The following ADGRL4 variants were observed in gnomAD, a reference collection of about 807,000 sequenced individuals.
ADGRL4 encodes the protein adhesion G protein-coupled receptor L4, also known as EGF, latrophilin and seven transmembrane domain containing 1.
Under a neutral mutation model 74.8 loss-of-function variants are expected in ADGRL4, and 90 were observed. The observed-to-expected ratio is 1.20, with a 90% confidence interval of 1.02 to 1.43. ADGRL4 has a LOEUF of 1.43. Ranked by LOEUF, ADGRL4 falls within the 40% of genes most tolerant of loss-of-function variation. The pLI, the probability that ADGRL4 is intolerant of heterozygous loss-of-function variation, is 0.00. For missense variants in ADGRL4, 881 were observed against 814.3 expected (o/e 1.08, Z -1.00); for synonymous variants, 311 against 279.2 (o/e 1.11, Z -1.14).
chr1:78,927,372 C>A (rs1649141805), intron 7 of ADGRL4, among the ~76,000 whole-genome samples: 1 of 152,048 alleles, frequency 6.6e-6, no homozygotes, highest in African/African-American at 2.4e-5. Flanking sequence ...GATAAATTTA[C>A]ACCAAAATCC....
intron 12 of ADGRL4, among the ~76,000 whole-genome samples, chr1:78,909,596 G>A (rs928827222): frequency 6.6e-6 from 1 of 151,680 alleles, no homozygotes; most frequent in Non-Finnish European, 1.5e-5. Flanking sequence ...AATGCTTTTT[G>A]GTTTATATAT....
chr1:78,941,635 G>C (rs1649484207), intron 3 of ADGRL4, among the ~76,000 whole-genome samples: 1 of 151,594 alleles, frequency 6.6e-6, no homozygotes, highest in Non-Finnish European at 1.5e-5. Context: ...CAAAAATCTT[G>C]GCTCCATGGA....
At chr1:78,900,053 C>T (rs751852194) in intron 12 of ADGRL4, among the ~76,000 whole-genome samples, 35 of 152,064 alleles carry the variant, frequency 2.3e-4, no homozygotes, top group Admixed American at 9.2e-4. Context: ...GGGAGAGATA[C>T]GGCAAAAATG....
At chr1:78,925,468 A>G (rs1016174998) in intron 8 of ADGRL4, among the ~76,000 whole-genome samples, 1 of 152,150 alleles carries the variant, frequency 6.6e-6, no homozygotes, top group Non-Finnish European at 1.5e-5. Flanking sequence ...CTTCTGAGGT[A>G]CTGTAGAATT....
intron 2 of ADGRL4, among the ~76,000 whole-genome samples, chr1:78,988,639 A>T (rs1056032457): frequency 1.3e-5 from 2 of 151,830 alleles, no homozygotes; most frequent in African/African-American, 4.8e-5. Flanking sequence ...AATTCCAGTC[A>T]TCCCTCTCAA....
intron 3 of ADGRL4, among the ~76,000 whole-genome samples, chr1:78,940,337 GTTA>G (rs1160819894): frequency 6.6e-6 from 1 of 151,874 alleles, no homozygotes; most frequent in East Asian, 1.9e-4. Flanking sequence ...TTTGTTCAAG[GTTA>G]TATTTTACTA....
chr1:78,909,045 G>A (rs1055001735), intron 12 of ADGRL4, among the ~76,000 whole-genome samples: 3 of 151,946 alleles, frequency 2.0e-5, no homozygotes, highest in Non-Finnish European at 2.9e-5. Flanking sequence ...GTGGAAAAAT[G>A]TTACAGGCAC....
chr1:78,941,685 G>A (rs1332991352), intron 3 of ADGRL4, among the ~76,000 whole-genome samples: 2 of 151,906 alleles, frequency 1.3e-5, no homozygotes, highest in African/African-American at 4.8e-5. Context: ...GAACTTAAAT[G>A]TCCAGTGAAA....
chr1:78,930,639 T>C (rs1649221719), intron 7 of ADGRL4, among the ~76,000 whole-genome samples: 1 of 150,772 alleles, frequency 6.6e-6, no homozygotes. Flanking sequence ...TTAGTAGAGA[T>C]GGGGTTTCAC....
At chr1:78,971,881 G>A (rs550718763) in intron 2 of ADGRL4, among the ~76,000 whole-genome samples, 3 of 151,842 alleles carry the variant, frequency 2.0e-5, no homozygotes, top group African/African-American at 7.3e-5. Flanking sequence ...TCAGCCTCCC[G>A]AGTAGCTGGG....
intron 2 of ADGRL4, among the ~76,000 whole-genome samples, chr1:78,948,890 T>G (rs1296653982): frequency 2.0e-4 from 31 of 152,114 alleles, no homozygotes; most frequent in Admixed American, 1.8e-3. Context: ...AAGTAAAAAT[T>G]AATCAAAAAG....
chr1:78,989,560 C>T (rs1169905540), intron 2 of ADGRL4, among the ~76,000 whole-genome samples: 10 of 151,450 alleles, frequency 6.6e-5, no homozygotes, highest in East Asian at 3.9e-4. Context: ...ATATGTTCTT[C>T]TTCTAGGTAT....
At chr1:78,941,313 T>C (rs368063103) in intron 3 of ADGRL4, among the ~76,000 whole-genome samples, 53 of 152,298 alleles carry the variant, frequency 3.5e-4, no homozygotes, top group East Asian at 1.2e-3. Flanking sequence ...GAAAGCTATA[T>C]AGGACTAAAG....
chr1:78,907,140 T>C (rs1648661173), intron 12 of ADGRL4, among the ~76,000 whole-genome samples: 1 of 152,048 alleles, frequency 6.6e-6, no homozygotes. Flanking sequence ...AGTGTTAAAA[T>C]TCCTACTGAA....
intron 2 of ADGRL4, among the ~76,000 whole-genome samples, chr1:79,001,608 A>T (rs908148132): frequency 2.6e-5 from 4 of 152,172 alleles, no homozygotes; most frequent in Admixed American, 6.5e-5. Flanking sequence ...GCTTATTTGT[A>T]TAACACACTA....
chr1:78,952,055 A>C (rs536094679), intron 2 of ADGRL4, among the ~76,000 whole-genome samples: 1 of 152,192 alleles, frequency 6.6e-6, no homozygotes, highest in South Asian at 2.1e-4. Flanking sequence ...CATTTTTTTA[A>C]TCTATTGACC....
chr1:78,950,089 A>G (rs1649690077), intron 2 of ADGRL4, among the ~76,000 whole-genome samples: 1 of 152,156 alleles, frequency 6.6e-6, no homozygotes. Flanking sequence ...GTACAGTGGC[A>G]ACTGGAAGAA....
intron 2 of ADGRL4, among the ~76,000 whole-genome samples, chr1:78,998,016 C>A (rs533824668): frequency 1.1e-4 from 16 of 152,202 alleles, no homozygotes; most frequent in African/African-American, 3.1e-4. Context: ...AGACAAACAA[C>A]GAGGAATAGA....
At chr1:78,977,171 A>G (rs751058061) in intron 2 of ADGRL4, among the ~76,000 whole-genome samples, 1 of 151,812 alleles carries the variant, frequency 6.6e-6, no homozygotes, top group South Asian at 2.1e-4. Flanking sequence ...TGAAAAAGAA[A>G]AGATATTATC....
Sources: allele counts gnomAD v4.1 joint callset (sites outside exome capture counted in the v4.1 genomes callset), GRCh38; gene constraint gnomAD v4.1.1; transcripts MANE v1.5; gene names NCBI Gene and HGNC (gene_info 2026-07-23, HGNC 2026-07-21).